DOCK2: variants seen among roughly 807,000 people sequenced by gnomAD.
The protein encoded by DOCK2 is dedicator of cytokinesis 2.
A neutral mutation model predicts 248.9 loss-of-function variants in DOCK2; 87 were observed. The observed-to-expected ratio is 0.35, with a 90% CI of 0.29 to 0.42. DOCK2 has a LOEUF of 0.42. Among genes scored for constraint, DOCK2 ranks in the 10% least tolerant of loss-of-function variants. The pLI is 1.00. For missense variants in DOCK2, 1,747 were observed against 2,300.2 expected, an observed-to-expected ratio of 0.76 and a Z score of 4.92; for synonymous variants, 805 against 821.6, an observed-to-expected ratio of 0.98 and a Z score of 0.35.
chr5:170,036,430 T>C, intron 35 of DOCK2, 85 bp from the exon 36 acceptor site: 2 of 1,397,322 alleles, frequency 1.4e-6, no homozygotes, highest in South Asian at 1.3e-5. Context: ...GACAGCAATC[T>C]TCCTCTCATC....
intron 22 of DOCK2, among the ~76,000 whole-genome samples, chr5:169,735,996 C>G (rs1177065464): frequency 6.6e-6 from 1 of 150,994 alleles, no homozygotes; most frequent in Non-Finnish European, 1.5e-5. Flanking sequence ...GAGAGAGAAC[C>G]AAGTGGGAAG....
chr5:170,058,260 A>G (rs1757207274), intron 44 of DOCK2, among the ~76,000 whole-genome samples: 1 of 152,200 alleles, frequency 6.6e-6, no homozygotes, highest in South Asian at 2.1e-4. Flanking sequence ...GTAAATGGAC[A>G]TATTTAGGAT....
chr5:170,082,509 C>A lies in DOCK2; in HGVS notation c.5431-287C>A, dbSNP rs147205058. On this transcript the variant is annotated intron_variant, in intron 51 of 51. Transcript: ENST00000520908. ...GATGAGTCAGGCACCATGCTAAGCA[C>A]TTCCCAAGCATGGTGCCATTTGAGC... Among the ~76,000 whole-genome samples, 31 of 152,292 alleles carry A rather than the reference C, an allele frequency of 2.0e-4. No homozygotes were observed. The East Asian group carries it at 2.7e-3, about 13-fold the overall frequency.
chr5:169,841,449 G>A, intron 27 of DOCK2: 2 of 985,482 alleles, frequency 2.0e-6, no homozygotes, highest in South Asian at 4.7e-5. Flanking sequence ...TTAAACCAAG[G>A]ACCCAAAATT....
chr5:169,898,706 T>A (rs1773755254), intron 27 of DOCK2, among the ~76,000 whole-genome samples: 1 of 152,156 alleles, frequency 6.6e-6, no homozygotes, highest in Non-Finnish European at 1.5e-5. Context: ...GTAGGCCATG[T>A]GGTCTTTTTT....
At chr5:169,751,183 C>G (rs1206747926) in intron 23 of DOCK2, among the ~76,000 whole-genome samples, 3 of 152,168 alleles carry the variant, frequency 2.0e-5, no homozygotes, top group Admixed American at 2.0e-4. Flanking sequence ...CATCATAAAA[C>G]AGAAGCTTTT....
intron 14 of DOCK2, among the ~76,000 whole-genome samples, chr5:169,703,750 ATAAG>A (rs752478067): frequency 3.4e-4 from 52 of 152,256 alleles, no homozygotes; most frequent in Admixed American, 6.5e-4. Context: ...AAAAAATAAA[ATAAG>A]TGAGAAATAC....
chr5:169,886,656 T>C (rs1398153649), intron 27 of DOCK2, among the ~76,000 whole-genome samples: 1 of 152,254 alleles, frequency 6.6e-6, no homozygotes, highest in African/African-American at 2.4e-5. Context: ...TATCCCCGTT[T>C]TGCAGAGTAA....
At chr5:169,847,723 T>G (rs189804474) in intron 27 of DOCK2, among the ~76,000 whole-genome samples, 2 of 152,198 alleles carry the variant, frequency 1.3e-5, no homozygotes, top group African/African-American at 4.8e-5. Flanking sequence ...CCCTGGCTGA[T>G]TGGGGATGGC....
chr5:169,935,458 A>G (rs569945850), intron 27 of DOCK2, among the ~76,000 whole-genome samples: 43 of 152,136 alleles, frequency 2.8e-4, no homozygotes, highest in Non-Finnish European at 5.6e-4. Flanking sequence ...TGTCAACTTA[A>G]TGGTGGAGTT....
intron 29 of DOCK2, among the ~76,000 whole-genome samples, chr5:169,992,890 G>A (rs752788001): frequency 3.3e-5 from 5 of 152,170 alleles, no homozygotes; most frequent in African/African-American, 1.2e-4. Flanking sequence ...AAAGACTCTA[G>A]AGAAAGGGAG....
chr5:169,942,020 A>C (rs1015577753), intron 27 of DOCK2, among the ~76,000 whole-genome samples: 1 of 152,232 alleles, frequency 6.6e-6, no homozygotes, highest in African/African-American at 2.4e-5. Context: ...CAAAATAACA[A>C]TTCCACTGCT....
intron 41 of DOCK2, 63 bp downstream of exon 41, chr5:170,050,460 C>G (rs1756874978): frequency 1.9e-6 from 3 of 1,539,208 alleles, no homozygotes; most frequent in Non-Finnish European, 2.6e-6. Flanking sequence ...GGGCTGCAGC[C>G]CACAAAGACC....
chr5:169,977,214 C>A (rs1777747202), intron 27 of DOCK2, among the ~76,000 whole-genome samples: 1 of 152,218 alleles, frequency 6.6e-6, no homozygotes, highest in Admixed American at 6.5e-5. Flanking sequence ...ACACACTGGA[C>A]TTACTGAACA....
At chr5:169,915,622 G>C (rs999648358) in intron 27 of DOCK2, among the ~76,000 whole-genome samples, 2 of 151,890 alleles carry the variant, frequency 1.3e-5, no homozygotes, top group Admixed American at 6.6e-5. Flanking sequence ...AGGGGAGAGA[G>C]AGAGACAGAG....
At chr5:169,645,745 T>C (rs1757423424) in intron 1 of DOCK2, among the ~76,000 whole-genome samples, 1 of 152,056 alleles carries the variant, frequency 6.6e-6, no homozygotes, top group Non-Finnish European at 1.5e-5. Flanking sequence ...GGGTTTTAAA[T>C]TTTTATTTAT....
chr5:169,887,271 T>A (rs867128537), intron 27 of DOCK2, among the ~76,000 whole-genome samples: 3 of 152,248 alleles, frequency 2.0e-5, no homozygotes, highest in Non-Finnish European at 4.4e-5. Context: ...ATCCTTTAGA[T>A]GTTTTCTTTT....
In DOCK2 at chr5:170,045,803, G is replaced by C. The variant is rs1250376652; in HGVS notation, c.3877-13G>C. On this transcript the variant is annotated splice_polypyrimidine_tract_variant and intron_variant, in intron 38 of 51. Transcript: ENST00000520908. ...GGTGCCACCTCACCTTTGTCCCTGTGACCTTCCTGTAGATGTGGGAAGAGG... is the reference window on the plus strand; with the variant it reads ...GGTGCCACCTCACCTTTGTCCCTGTCACCTTCCTGTAGATGTGGGAAGAGG... The C allele has an allele frequency of 6.2e-7, 1 of 1,613,900 alleles. No homozygotes were observed. Among genetic ancestry groups the C allele is most frequent in the Admixed American group, 1.7e-5 (1 of 60,024 alleles).
intron 25 of DOCK2, among the ~76,000 whole-genome samples, chr5:169,780,218 C>T (rs11742137): frequency 0.46 from 70,090 of 151,774 alleles, 18,990 homozygotes; most frequent in Middle Eastern, 0.62. Context: ...TAGCTGTAAA[C>T]TCTGCTCTAT....
Sources: allele counts gnomAD v4.1 joint callset (sites outside exome capture counted in the v4.1 genomes callset), GRCh38; gene constraint gnomAD v4.1.1; transcripts MANE v1.5; gene names NCBI Gene and HGNC (gene_info 2026-07-23, HGNC 2026-07-21).